The following RAD51B variants were observed in gnomAD, a reference collection of about 807,000 sequenced individuals.
RAD51B encodes the protein DNA repair protein RAD51 homolog 2.
A neutral mutation model predicts 42.2 loss-of-function variants in RAD51B; 38 were observed. The ratio of observed to expected loss-of-function variants is 0.90; its 90% CI spans 0.70 to 1.18. RAD51B has a LOEUF of 1.18. RAD51B is among the 50% of genes most tolerant of loss of function. The probability of loss-of-function intolerance (pLI) is 0.00; values close to 1 mark genes in which losing one functional copy is unlikely to be tolerated. For synonymous variants in RAD51B, 154 were observed against 145.2 expected (o/e 1.06, Z -0.43); for missense variants, 373 against 400.7 (o/e 0.93, Z 0.59).
At chr14:68,164,752 A>T (rs1284986977) in intron 7 of RAD51B, among the ~76,000 whole-genome samples, 2 of 152,170 alleles carry the variant, frequency 1.3e-5, no homozygotes, top group African/African-American at 4.8e-5. Flanking sequence ...AGGAAAAATA[A>T]CCCTTACCAA....
chr14:68,126,701 T>A (rs1193636063), intron 7 of RAD51B, among the ~76,000 whole-genome samples: 3 of 152,236 alleles, frequency 2.0e-5, no homozygotes, highest in African/African-American at 7.2e-5. Flanking sequence ...CTTCTGCAAT[T>A]GTACCTTTTT....
At chr14:68,211,989 TTGTTATGGTCTGTA>T (rs1167785576) in intron 7 of RAD51B, among the ~76,000 whole-genome samples, 13 of 152,376 alleles carry the variant, frequency 8.5e-5, no homozygotes, top group Admixed American at 5.9e-4. Flanking sequence ...TCTGGTCAGA[TTGTTATGGTCTGTA>T]TGACAGATAC....
chr14:68,575,066 A>G (rs1283413354), intron 10 of RAD51B, among the ~76,000 whole-genome samples: 2 of 152,248 alleles, frequency 1.3e-5, no homozygotes, highest in Non-Finnish European at 2.9e-5. Flanking sequence ...GTGGGAAGCC[A>G]TGGAGATGGA....
intron 7 of RAD51B, among the ~76,000 whole-genome samples, chr14:67,918,431 C>T (rs1481627071): frequency 1.3e-5 from 2 of 152,116 alleles, no homozygotes; most frequent in African/African-American, 4.8e-5. Flanking sequence ...GACAGGGTTT[C>T]ACCATGTTGG....
intron 7 of RAD51B, among the ~76,000 whole-genome samples, chr14:68,269,671 C>T (rs2081067008): frequency 6.6e-6 from 1 of 152,152 alleles, no homozygotes; most frequent in South Asian, 2.1e-4. Flanking sequence ...ACTAGGGGGT[C>T]TCACTCTACA....
intron 7 of RAD51B, among the ~76,000 whole-genome samples, chr14:67,923,298 CTTTTTTT>C (rs34809964): frequency 1.9e-4 from 23 of 123,660 alleles, no homozygotes; most frequent in South Asian, 5.0e-4. Context: ...TTTTCTTTTT[CTTTTTTT>C]TTTTTTTTTT....
chr14:68,102,739 T>G (rs1299149446), intron 7 of RAD51B, among the ~76,000 whole-genome samples: 2 of 152,214 alleles, frequency 1.3e-5, no homozygotes, highest in Non-Finnish European at 2.9e-5. Context: ...TTGTTACCAC[T>G]TCCAAAGTTG....
chr14:68,518,554 G>GCCCCCCCCCCCCCGCC (rs11341781), intron 10 of RAD51B, among the ~76,000 whole-genome samples: 1 of 137,360 alleles, frequency 7.3e-6, no homozygotes, highest in African/African-American at 2.7e-5. Flanking sequence ...GGTCATATGA[G>GCCCCCCCCCCCCCGCC]CCCCCCCCCC....
chr14:68,552,821 C>T (rs17756000), intron 10 of RAD51B, among the ~76,000 whole-genome samples: 25,604 of 152,118 alleles, frequency 0.17, 2,738 homozygotes, highest in Non-Finnish European at 0.24. Flanking sequence ...GTGCAGCTGT[C>T]AACCAGGCAC....
chr14:68,084,582 C>T (rs1449065396), intron 7 of RAD51B, among the ~76,000 whole-genome samples: 1 of 152,198 alleles, frequency 6.6e-6, no homozygotes, highest in African/African-American at 2.4e-5. Context: ...TTTCATCAGT[C>T]TGATGCACTT....
At chr14:68,105,647 C>G (rs1038688318) in intron 7 of RAD51B, among the ~76,000 whole-genome samples, 1 of 151,908 alleles carries the variant, frequency 6.6e-6, no homozygotes, top group African/African-American at 2.4e-5. Flanking sequence ...ATTGTAAAAT[C>G]TATACCCAGG....
At chr14:68,481,376 C>T (rs1002371288), downstream of RAD51B, among the ~76,000 whole-genome samples, 2 of 152,140 alleles carry the variant, frequency 1.3e-5, no homozygotes, top group Non-Finnish European at 2.9e-5. Flanking sequence ...TTCCAAATGT[C>T]AAAAATTAAG....
At chr14:67,978,359 A>G (rs2075032537) in intron 7 of RAD51B, among the ~76,000 whole-genome samples, 1 of 152,170 alleles carries the variant, frequency 6.6e-6, no homozygotes, top group South Asian at 2.1e-4. Flanking sequence ...TTCTTTGGGA[A>G]AATAAAGAAT....
At chr14:68,662,034 G>C (rs1892943958) in intron 11 of RAD51B, among the ~76,000 whole-genome samples, 1 of 152,138 alleles carries the variant, frequency 6.6e-6, no homozygotes, top group African/African-American at 2.4e-5. Context: ...CCATCCCCAT[G>C]GCTGTCAGCA....
At chr14:68,429,988 C>T (rs752605355) in intron 9 of RAD51B, among the ~76,000 whole-genome samples, 9 of 152,044 alleles carry the variant, frequency 5.9e-5, no homozygotes, top group African/African-American at 1.2e-4. Flanking sequence ...TTCCCAGCAC[C>T]GTTTATTAAA....
At chr14:68,410,024 A>G (rs1456785177) in intron 8 of RAD51B, among the ~76,000 whole-genome samples, 1 of 152,098 alleles carries the variant, frequency 6.6e-6, no homozygotes, top group African/African-American at 2.4e-5. Context: ...ATAGATATAT[A>G]TGGTTGGTGT....
At chr14:67,995,386 AAACAACAAC>A (rs201556258) in intron 7 of RAD51B, among the ~76,000 whole-genome samples, 13 of 146,768 alleles carry the variant, frequency 8.9e-5, no homozygotes, top group South Asian at 4.2e-4. Flanking sequence ...TCCATCTCAA[AAACAACAAC>A]AACAACAACA....
intron 5 of RAD51B, among the ~76,000 whole-genome samples, chr14:67,883,664 T>A (rs537560601): frequency 4.5e-4 from 68 of 152,176 alleles, no homozygotes; most frequent in Non-Finnish European, 5.0e-4. Flanking sequence ...CACATTCTAT[T>A]CTCTCATCCT....
intron 7 of RAD51B, among the ~76,000 whole-genome samples, chr14:67,916,416 A>AT (rs1473692059): frequency 2.0e-5 from 3 of 151,626 alleles, no homozygotes; most frequent in Non-Finnish European, 4.4e-5. Flanking sequence ...TAATTTTTGT[A>AT]TTTTTTGTAG....
Sources: gnomAD v4.1 joint callset for allele counts (sites outside exome capture counted in the v4.1 genomes callset) on GRCh38, gnomAD v4.1.1 for gene constraint, MANE v1.5 for transcripts, NCBI Gene and HGNC (gene_info 2026-07-23, HGNC 2026-07-21) for gene names.